Variants in EDIL3 observed in about 807,000 individuals in gnomAD.
EDIL3 encodes EGF-like repeat and discoidin I-like domain-containing protein 3.
EDIL3 carries 37 observed loss-of-function variants against 67.4 expected under a neutral mutation model. That is an observed-to-expected ratio of 0.55 (90% CI 0.42 to 0.72). The LOEUF is 0.72. EDIL3 is among the 30% of genes least tolerant of loss of function. EDIL3 has a pLI of 0.00. For missense variants in EDIL3, 527 were observed against 586.3 expected, an observed-to-expected ratio of 0.90 and a Z score of 1.04; for synonymous variants, 195 against 196.3, an observed-to-expected ratio of 0.99 and a Z score of 0.05.
At chr5:84,045,268 G>C (rs895658661) in intron 9 of EDIL3, among the ~76,000 whole-genome samples, 2 of 152,062 alleles carry the variant, frequency 1.3e-5, no homozygotes, top group African/African-American at 4.8e-5. Flanking sequence ...ATTTGGGTGA[G>C]GACACAGCCA....
chr5:84,303,671 TAATAGTTAAAAATTATAGTG>T (rs2112133091), intron 1 of EDIL3, among the ~76,000 whole-genome samples: 1 of 152,326 alleles, frequency 6.6e-6, no homozygotes, highest in African/African-American at 2.4e-5. Flanking sequence ...TTTCAAAAGT[TAATAGTTAAAAATTATAGTG>T]AATTTTCTAA....
At chr5:84,355,662 C>T (rs1164292338) in intron 1 of EDIL3, among the ~76,000 whole-genome samples, 1 of 152,116 alleles carries the variant, frequency 6.6e-6, no homozygotes, top group East Asian at 1.9e-4. Flanking sequence ...CTGGAAGCTT[C>T]GTCCCAGAGG....
intron 9 of EDIL3, among the ~76,000 whole-genome samples, chr5:84,033,138 T>C (rs1233695669): frequency 1.3e-5 from 2 of 152,162 alleles, no homozygotes; most frequent in African/African-American, 4.8e-5. Context: ...GATCCACTAT[T>C]CCAGTGTAGG....
At chr5:84,219,905 C>T (rs553182420) in intron 3 of EDIL3, among the ~76,000 whole-genome samples, 1 of 151,654 alleles carries the variant, frequency 6.6e-6, no homozygotes, top group Middle Eastern at 3.4e-3. Flanking sequence ...TACAGGAGCA[C>T]TTATTTACGG....
intron 6 of EDIL3, among the ~76,000 whole-genome samples, chr5:84,075,483 C>CTTCTTCTTCTTCTTATTA (rs751286945): frequency 5.8e-4 from 87 of 151,092 alleles, no homozygotes; most frequent in African/African-American, 1.9e-3. Context: ...TCTTCTTCTT[C>CTTCTTCTTCTTCTTATTA]TTATTATTTT....
At chr5:83,967,676 GT>G (rs1744721960) in intron 9 of EDIL3, among the ~76,000 whole-genome samples, 1 of 152,146 alleles carries the variant, frequency 6.6e-6, no homozygotes, top group Non-Finnish European at 1.5e-5. Flanking sequence ...GTTTGAGGAA[GT>G]TAAAGATAAA....
chr5:84,001,603 G>A lies in EDIL3; in HGVS notation c.1138-38243C>T, dbSNP rs569401544. Among the ~76,000 whole-genome samples, 3 of 151,990 alleles carry A rather than the reference G, an allele frequency of 2.0e-5. No homozygotes were observed. The South Asian group carries it at 6.2e-4, about 31-fold the overall frequency. Reference sequence around the variant, plus strand: ...AATAAATAAAGTCAGAAATGGAAAAGAAGACATTACAACTGCCACTGCAGA... The same window carrying A: ...AATAAATAAAGTCAGAAATGGAAAAAAAGACATTACAACTGCCACTGCAGA... On this transcript the variant is annotated intron_variant, in intron 9 of 10. Coordinates refer to ENST00000296591, the MANE Select transcript of EDIL3 (RefSeq NM_005711.5).
intron 1 of EDIL3, among the ~76,000 whole-genome samples, chr5:84,342,737 C>T (rs1250873150): frequency 6.6e-6 from 1 of 151,888 alleles, no homozygotes; most frequent in African/African-American, 2.4e-5. Context: ...AAAATTTTAT[C>T]CATAAAACTT....
intron 2 of EDIL3, among the ~76,000 whole-genome samples, chr5:84,253,319 G>T (rs1456345915): frequency 6.6e-6 from 1 of 152,114 alleles, no homozygotes; most frequent in Non-Finnish European, 1.5e-5. Flanking sequence ...TGGTACTAAT[G>T]CGAAAAATAT....
At position 84,384,547 on chromosome 5, in the gene EDIL3, G is replaced by A; in HGVS notation, c.-173C>T. The A allele has an allele frequency of 3.5e-6, 2 of 564,596 alleles. No individual in the cohort carries two copies. Among genetic ancestry groups the A allele is most frequent in the South Asian group, 2.6e-5 (1 of 37,856 alleles). 35.0% of individuals were successfully genotyped at this position (564,596 alleles called of 1,614,324 possible). A position where few individuals can be genotyped will look rare whatever the true frequency, so the allele number is the denominator to read the frequency against. ...AATTCTTGGAGAGGGCGAGAGTGGT[G>A]ACTAAAGAGAGGAGCCTTTCCTCCC... On this transcript the variant is annotated 5_prime_UTR_variant, in exon 1 of 11. Transcript: ENST00000296591.
At chr5:84,354,434 A>C (rs777447735) in intron 1 of EDIL3, among the ~76,000 whole-genome samples, 2 of 152,136 alleles carry the variant, frequency 1.3e-5, no homozygotes, top group Non-Finnish European at 2.9e-5. Context: ...AGGCAAGCAG[A>C]TCTCTTGAGG....
At chr5:84,201,403 T>C (rs1743833326) in intron 3 of EDIL3, among the ~76,000 whole-genome samples, 1 of 152,118 alleles carries the variant, frequency 6.6e-6, no homozygotes, top group African/African-American at 2.4e-5. Context: ...GAAAATGTTA[T>C]GTAAGCTATA....
At chr5:84,284,336 T>C (rs565973871) in intron 1 of EDIL3, among the ~76,000 whole-genome samples, 140 of 152,274 alleles carry the variant, frequency 9.2e-4, no homozygotes, top group African/African-American at 2.8e-3. Flanking sequence ...TTGGCACTCA[T>C]GAGTGGTGCA....
intron 1 of EDIL3, among the ~76,000 whole-genome samples, chr5:84,288,270 C>T (rs554966999): frequency 3.3e-5 from 5 of 152,194 alleles, no homozygotes; most frequent in African/African-American, 9.6e-5. Context: ...CAGAATGTGA[C>T]CATTTCTCAC....
At chr5:84,349,809 A>G (rs1280811644) in intron 1 of EDIL3, among the ~76,000 whole-genome samples, 1 of 152,116 alleles carries the variant, frequency 6.6e-6, no homozygotes, top group Non-Finnish European at 1.5e-5. Flanking sequence ...TGATGTTTAT[A>G]TTGCATGCAA....
At chr5:83,989,305 T>C (rs1289058284) in intron 9 of EDIL3, among the ~76,000 whole-genome samples, 1 of 152,192 alleles carries the variant, frequency 6.6e-6, no homozygotes, top group Non-Finnish European at 1.5e-5. Context: ...TGATGTCTTA[T>C]TGTCCCCTGC....
At chr5:84,364,444 CA>C (rs1747686695) in intron 1 of EDIL3, among the ~76,000 whole-genome samples, 1 of 152,122 alleles carries the variant, frequency 6.6e-6, no homozygotes, top group Non-Finnish European at 1.5e-5. Context: ...CCTATACCTA[CA>C]TGAGATTGTG....
intron 1 of EDIL3, among the ~76,000 whole-genome samples, chr5:84,260,595 T>C (rs1287132249): frequency 6.6e-6 from 1 of 152,212 alleles, no homozygotes; most frequent in Non-Finnish European, 1.5e-5. Context: ...AATGTACTTA[T>C]GAATTTACAT....
intron 4 of EDIL3, among the ~76,000 whole-genome samples, chr5:84,138,470 T>C (rs772167063): frequency 6.6e-6 from 1 of 152,122 alleles, no homozygotes; most frequent in Non-Finnish European, 1.5e-5. Flanking sequence ...ACAATAGAAA[T>C]AGTCATGTGC....
Sources: allele counts gnomAD v4.1 joint callset (sites outside exome capture counted in the v4.1 genomes callset), GRCh38; gene constraint gnomAD v4.1.1; transcripts MANE v1.5; gene names NCBI Gene and HGNC (gene_info 2026-07-23, HGNC 2026-07-21).